PIEZO2: variants seen among roughly 807,000 people sequenced by gnomAD.
PIEZO2 encodes piezo-type mechanosensitive ion channel component 2.
Under a neutral mutation model 337.3 loss-of-function variants are expected in PIEZO2, and 172 were observed. The ratio of observed to expected loss-of-function variants is 0.51; its 90% CI spans 0.45 to 0.58. The LOEUF (loss-of-function observed/expected upper bound fraction) is 0.58. Among genes scored for constraint, PIEZO2 ranks in the 20% least tolerant of loss-of-function variants. The pLI, the probability that PIEZO2 is intolerant of heterozygous loss-of-function variation, is 0.00. For synonymous variants in PIEZO2, 1,251 were observed against 1,228.5 expected, an observed-to-expected ratio of 1.02 and a Z score of -0.38; for missense variants, 3,028 against 3,391.3, an observed-to-expected ratio of 0.89 and a Z score of 2.66.
chr18:10,765,743 C>A (rs1270869166), intron 21 of PIEZO2, among the ~76,000 whole-genome samples: 2 of 35,790 alleles, frequency 5.6e-5, no homozygotes, highest in Admixed American at 4.6e-4. Context: ...GTGCAGGAGT[C>A]CTGTGCTTGT....
At position 10,746,601 on chromosome 18, in the gene PIEZO2, T is replaced by G. The variant is rs2037432841; in HGVS notation, c.4424+1870A>C. On this transcript the variant is annotated intron_variant, in intron 30 of 55. Coordinates refer to ENST00000674853, the MANE Select transcript of PIEZO2 (RefSeq NM_001378183.1). This position sits in a 1 kb window ranked among gnomAD's most constrained non-coding sequence, Gnocchi z 4.2. ...GTCTGCATCCCCTACAATTCACATG[T>G]GGAAATCCTGACTCCCAAGGTGACG... Among the ~76,000 whole-genome samples, 1 of 152,174 alleles carries G rather than the reference T, an allele frequency of 6.6e-6. No homozygotes were observed.
intron 2 of PIEZO2, among the ~76,000 whole-genome samples, chr18:11,042,826 C>T (rs546929034): frequency 6.6e-6 from 1 of 152,140 alleles, no homozygotes; most frequent in Non-Finnish European, 1.5e-5. Flanking sequence ...CAGTATGTAA[C>T]TCAAGCTAAT....
At chr18:11,139,804 CTT>C (rs1442040250) in intron 1 of PIEZO2, among the ~76,000 whole-genome samples, 1 of 152,160 alleles carries the variant, frequency 6.6e-6, no homozygotes, top group African/African-American at 2.4e-5. Flanking sequence ...GACCGTGACT[CTT>C]TCTTTTGGTA....
rs2042871866 is a variant in PIEZO2 at position 10,895,437 on chromosome 18, C to T, written c.329+15749G>A. On this transcript the variant is annotated intron_variant, in intron 4 of 55. Transcript: ENST00000674853. The surrounding 1 kb of genome is among the most constrained non-coding windows in gnomAD (Gnocchi z 4.8). ...CTCCAGCCTGGGCAACAGAGCAAGA[C>T]TCCGTCTCAAAAATAATAATAATAA... 6.6e-6 allele frequency among the ~76,000 whole-genome samples: 1 copy of T among 151,936 alleles called. No homozygotes were observed. The highest frequency in any genetic ancestry group is 2.4e-5 in the African/African-American group (1 of 41,340).
rs139626446 is a variant in PIEZO2, at chr18:10,924,824, T to C, written c.287-13596A>G. Among the ~76,000 whole-genome samples, 632 of 152,354 alleles carry C rather than the reference T, an allele frequency of 4.1e-3. 2 individuals carry two copies. The highest frequency in any genetic ancestry group is 6.8e-3 in the Non-Finnish European group (464 of 68,030). Reference sequence around the variant, plus strand: ...AGGCGTTACAATTGCTTTGTACAGCTTGTGGCTTTCTTTACACTAACTACA... The same window carrying C: ...AGGCGTTACAATTGCTTTGTACAGCCTGTGGCTTTCTTTACACTAACTACA... On this transcript the variant is annotated intron_variant, in intron 3 of 55. Coordinates refer to ENST00000674853, the MANE Select transcript of PIEZO2 (RefSeq NM_001378183.1).
chr18:11,139,122 G>A (rs1188492686), intron 1 of PIEZO2, among the ~76,000 whole-genome samples: 5 of 152,138 alleles, frequency 3.3e-5, no homozygotes, highest in South Asian at 2.1e-4. Context: ...GGCACTGCTC[G>A]AAGCACTCTA....
chr18:11,086,497 C>T (rs568401407), intron 1 of PIEZO2, among the ~76,000 whole-genome samples: 1 of 144,694 alleles, frequency 6.9e-6, no homozygotes, highest in Non-Finnish European at 1.5e-5. Flanking sequence ...CCAGCCTGGG[C>T]AACAGAGCGA....
rs910289836 is a variant in PIEZO2 at position 10,733,730 on chromosome 18, G to A, written c.4914+1502C>T. ...CCCAAAGTGCTGGGATTACAGGCGT[G>A]AGCCACAGCGCCCAGCCAGAACTTC... On this transcript the variant is annotated intron_variant, in intron 35 of 55. Coordinates refer to ENST00000674853, the MANE Select transcript of PIEZO2 (RefSeq NM_001378183.1). 3.3e-5 allele frequency among the ~76,000 whole-genome samples: 5 copies of A among 152,340 alleles called. No homozygotes were observed. In the South Asian group the frequency reaches 1.0e-3, roughly 32 times the overall value.
intron 7 of PIEZO2, among the ~76,000 whole-genome samples, chr18:10,832,548 G>A (rs1332896536): frequency 6.6e-6 from 1 of 152,192 alleles, no homozygotes; most frequent in Non-Finnish European, 1.5e-5. Context: ...TGTTTTGATA[G>A]AGACCCAATT....
rs371517199 is a variant in PIEZO2, at chr18:10,797,469, G to A, written c.1432C>T (p.Arg478Cys). ...EKEEFEEERS[R>C]EEKRSIKVHA... ...ACTTTGATACTTCTTTTTTCCTCACGGCTCCTTTCTTCTTCAAATTCTTCT... is the reference window on the plus strand; with the variant it reads ...ACTTTGATACTTCTTTTTTCCTCACAGCTCCTTTCTTCTTCAAATTCTTCT... The change falls in exon 12 of 56, where the codon CGT (arginine) becomes TGT (cysteine). Residue 478 changes from arginine (R) to cysteine (C), a missense_variant. By Grantham distance (180) the Arg-to-Cys change is radical (BLOSUM62 -3). This residue lies in a region of PIEZO2 where 542 missense variants were observed against 605.6 expected (regional missense o/e 0.89). Transcript: ENST00000674853. 77 of 1,536,820 alleles carry A rather than the reference G, an allele frequency of 5.0e-5. No homozygotes were observed. The African/African-American group carries it at 7.7e-4, about 15-fold the overall frequency.
At chr18:10,803,104 C>T (rs1395271016) in intron 9 of PIEZO2, among the ~76,000 whole-genome samples, 2 of 152,090 alleles carry the variant, frequency 1.3e-5, no homozygotes, top group Admixed American at 6.6e-5. Context: ...TATCAGTGAA[C>T]TTTTCATACA....
chr18:11,067,402 T>A (rs1321967185), intron 1 of PIEZO2, among the ~76,000 whole-genome samples: 1 of 152,120 alleles, frequency 6.6e-6, no homozygotes, highest in Admixed American at 6.5e-5. Flanking sequence ...AAAAAAATTA[T>A]CTTGAATGTA....
rs768237754 is a variant in PIEZO2 at position 10,784,703 on chromosome 18, T to A, written c.2492+81A>T. On this transcript the variant is annotated intron_variant, in intron 17 of 55. Transcript: ENST00000674853. This position sits in a 1 kb window ranked among gnomAD's most constrained non-coding sequence, Gnocchi z 4.5. ...CTGAAACTTTTAGATTACTGGCTTC[T>A]CGCAAGGTGGCCAACCTAAGGTAGG... The A allele has an allele frequency of 1.5e-6, 2 of 1,307,562 alleles. No individual in the cohort carries two copies. The highest frequency in any genetic ancestry group is 2.0e-6 in the Non-Finnish European group (2 of 999,310). The allele number at this position is 1,307,562 out of a possible 1,614,324, so 81.0% of individuals were successfully genotyped here.
intron 3 of PIEZO2, among the ~76,000 whole-genome samples, chr18:10,934,364 C>G (rs73943075): frequency 6.6e-6 from 1 of 152,144 alleles, no homozygotes; most frequent in African/African-American, 2.4e-5. Context: ...GAAGCAGGTC[C>G]ATGACTGTGT....
In PIEZO2 at chr18:10,681,739, C is replaced by A. The variant is rs1025652690; in HGVS notation, c.7701G>T (p.Met2567Ile). 3.1e-6 allele frequency: 5 copies of A among 1,609,604 alleles called. No individual in the cohort carries two copies. The highest frequency in any genetic ancestry group is 2.7e-5 in the African/African-American group (2 of 74,804). Residue 2567 changes from methionine (M) to isoleucine (I), a missense_variant, in exon 51 of 56, where the codon ATG becomes ATT. Physicochemically the swap from Met to Ile is conservative, Grantham distance 10. This residue lies in a region of PIEZO2 where 332 missense variants were observed against 363.8 expected (regional missense o/e 0.91). Coordinates refer to ENST00000674853, the MANE Select transcript of PIEZO2 (RefSeq NM_001378183.1). ...TLGGYQPIFT[M>I]SAQQSQLKVM... ...CTTTCAACTGGCTTTGTTGGGCACT[C>A]ATTGTGAAAATAGGCTGGAAAACAA...
chr18:10,865,191 C>T (rs1231841961), intron 5 of PIEZO2, among the ~76,000 whole-genome samples: 1 of 152,166 alleles, frequency 6.6e-6, no homozygotes, highest in Non-Finnish European at 1.5e-5. Context: ...GTGGCCAAAC[C>T]ATGCAGAGTC....
At chr18:11,018,382 CGTGTGTGTGTGTGTGTGTGT>C (rs376013388) in intron 2 of PIEZO2, among the ~76,000 whole-genome samples, 118 of 114,204 alleles carry the variant, frequency 1.0e-3, no homozygotes, top group Non-Finnish European at 1.3e-3. Context: ...CCCAACATGT[CGTGTGTGTGTGTGTGTGTGT>C]GTGTGTGTGT....
intron 2 of PIEZO2, among the ~76,000 whole-genome samples, chr18:10,998,357 TAC>T (rs10564435): frequency 0.03 from 4,556 of 149,648 alleles, 99 homozygotes; most frequent in Middle Eastern, 0.082. Flanking sequence ...CACATACACA[TAC>T]ACACACACAC....
In PIEZO2 at chr18:10,757,859, T is replaced by C. The variant is rs1027787301; in HGVS notation, c.3923+110A>G. 24 of 1,173,614 alleles carry C rather than the reference T, an allele frequency of 2.0e-5. No individual in the cohort carries two copies. In the East Asian group the frequency reaches 4.6e-4, roughly 23 times the overall value. 72.7% of individuals were successfully genotyped at this position (1,173,614 alleles called of 1,614,324 possible). A position where few individuals can be genotyped will look rare whatever the true frequency, so the allele number is the denominator to read the frequency against. On this transcript the variant is annotated intron_variant, in intron 27 of 55. Transcript: ENST00000674853. ...TCCAGCATTTATTAACTTCAGTGTA[T>C]ACAATTCAGCAGATCTGTTTCCCAA... is the stretch of plus-strand genomic sequence containing the variant.
Sources: allele counts gnomAD v4.1 joint callset (sites outside exome capture counted in the v4.1 genomes callset), GRCh38; gene constraint gnomAD v4.1.1; regional missense constraint gnomAD v4.1.1; non-coding constraint Gnocchi (gnomAD v3.1); transcripts MANE v1.5; gene names NCBI Gene and HGNC (gene_info 2026-07-23, HGNC 2026-07-21).